Variants in CBL observed in about 807,000 individuals in gnomAD.
The protein encoded by CBL is Cbl proto-oncogene.
CBL carries 45 observed loss-of-function variants against 96.9 expected under a neutral mutation model. That is an observed-to-expected ratio of 0.46 (90% confidence interval 0.37 to 0.60). CBL has a LOEUF of 0.60. Ranked by LOEUF, CBL falls within the 20% of genes least tolerant of loss-of-function variation. The probability of loss-of-function intolerance (pLI) is 0.00; values close to 1 mark genes in which losing one functional copy is unlikely to be tolerated. For missense variants in CBL, 1,024 were observed against 1,143.5 expected (o/e 0.90, Z 1.51); for synonymous variants, 420 against 426.8 (o/e 0.98, Z 0.20).
chr11:119,230,455 T>C (rs1056605573), intron 1 of CBL, among the ~76,000 whole-genome samples: 3 of 152,190 alleles, frequency 2.0e-5, no homozygotes, highest in Non-Finnish European at 4.4e-5. Flanking sequence ...ATAGGTATTT[T>C]TAAATGTGAA....
chr11:119,291,325 C>T (rs1950025737), intron 12 of CBL, among the ~76,000 whole-genome samples: 1 of 152,168 alleles, frequency 6.6e-6, no homozygotes, highest in African/African-American at 2.4e-5. Flanking sequence ...GTTGAGGCTG[C>T]TGTGAGCTGT....
At chr11:119,248,181 A>G (rs1949646406) in intron 2 of CBL, among the ~76,000 whole-genome samples, 1 of 152,232 alleles carries the variant, frequency 6.6e-6, no homozygotes, top group South Asian at 2.1e-4. Context: ...AATCTTGAAC[A>G]AGAATAAAGT....
rs149980514 is a variant in CBL, at chr11:119,225,715, A to G, written c.196-6733A>G. Among the ~76,000 whole-genome samples the G allele has an allele frequency of 5.9e-5, 8 of 136,120 alleles. No homozygotes were observed. In the East Asian group the frequency reaches 1.8e-3, roughly 30 times the overall value. 89.3% of individuals were successfully genotyped at this position (136,120 alleles called of 152,430 possible). A position where few individuals can be genotyped will look rare whatever the true frequency, so the allele number is the denominator to read the frequency against. Reference sequence around the variant, plus strand: ...GTAAGACACCGTATCCAGCCAATATAAATATTTTCTTTTTTTTTTTTTTTT... The same window carrying G: ...GTAAGACACCGTATCCAGCCAATATGAATATTTTCTTTTTTTTTTTTTTTT... On this transcript the variant is annotated intron_variant, in intron 1 of 15. Coordinates refer to ENST00000264033, the MANE Select transcript of CBL (RefSeq NM_005188.4).
intron 2 of CBL, among the ~76,000 whole-genome samples, chr11:119,249,545 C>T (rs564646841): frequency 8.2e-5 from 8 of 97,622 alleles, no homozygotes; most frequent in South Asian, 1.1e-3. Context: ...GAGTGAGACT[C>T]GGTCTCAAAA....
chr11:119,236,144 A>G (rs1472227729), intron 2 of CBL, among the ~76,000 whole-genome samples: 2 of 152,100 alleles, frequency 1.3e-5, no homozygotes, highest in Non-Finnish European at 2.9e-5. Context: ...AAGTCAGGCA[A>G]CCATCACCCC....
chr11:119,235,331 T>TC (rs1264155859), intron 2 of CBL, among the ~76,000 whole-genome samples: 1 of 152,128 alleles, frequency 6.6e-6, no homozygotes, highest in African/African-American at 2.4e-5. Flanking sequence ...GCTTGGCTGG[T>TC]CTCAAACTCC....
chr11:119,307,825 A>C lies in CBL; in HGVS notation c.*8044A>C. ...GTTAAGAAGAAAACAAAACAAACACATAGGTGAGATTTTCGTGGACTATTT... is the reference window on the plus strand; with the variant it reads ...GTTAAGAAGAAAACAAAACAAACACCTAGGTGAGATTTTCGTGGACTATTT... On this transcript the variant is annotated 3_prime_UTR_variant, in exon 16 of 16. Coordinates refer to ENST00000264033, the MANE Select transcript of CBL (RefSeq NM_005188.4). 3 of 210,262 alleles carry C rather than the reference A, an allele frequency of 1.4e-5. No homozygotes were observed. The highest frequency in any genetic ancestry group is 1.9e-5 in the Non-Finnish European group (2 of 103,338). 13.0% of individuals were successfully genotyped at this position (210,262 alleles called of 1,614,324 possible). A position where few individuals can be genotyped will look rare whatever the true frequency, so the allele number is the denominator to read the frequency against.
chr11:119,247,939 T>A (rs999165606), intron 2 of CBL, among the ~76,000 whole-genome samples: 3 of 152,200 alleles, frequency 2.0e-5, no homozygotes, highest in African/African-American at 7.2e-5. Context: ...AAAAGACTTG[T>A]ACACTGGAAA....
intron 2 of CBL, among the ~76,000 whole-genome samples, chr11:119,259,914 C>T (rs745473235): frequency 5.9e-5 from 9 of 152,182 alleles, no homozygotes; most frequent in Non-Finnish European, 1.2e-4. Flanking sequence ...ATCTCACTTA[C>T]CTCCACACTC....
intron 2 of CBL, among the ~76,000 whole-genome samples, chr11:119,233,222 A>C (rs1949517779): frequency 6.6e-6 from 1 of 152,136 alleles, no homozygotes; most frequent in African/African-American, 2.4e-5. Context: ...TAAATATTTG[A>C]AGGATCACTA....
rs1344709775 is a variant in CBL at position 119,306,651 on chromosome 11, T to C, written c.*6870T>C. 6 of 316,418 alleles carry C rather than the reference T, an allele frequency of 1.9e-5. No individual in the cohort carries two copies. The highest frequency in any genetic ancestry group is 1.1e-4 in the African/African-American group (5 of 47,260). The allele number at this position is 316,418 out of a possible 1,614,324, so 19.6% of individuals were successfully genotyped here. A position where few individuals can be genotyped will look rare whatever the true frequency, so the allele number is the denominator to read the frequency against. On this transcript the variant is annotated 3_prime_UTR_variant, in exon 16 of 16. Transcript: ENST00000264033. ...AACTGGAGAGGCAGAGAACTACTTA[T>C]GAGTCTGTAGACCACGTGTTGTCTT...
chr11:119,285,447 C>T lies in CBL; in HGVS notation c.1822C>T (p.Pro608Ser), dbSNP rs763666786. 2.5e-6 allele frequency: 4 copies of T among 1,614,212 alleles called. No individual in the cohort carries two copies. The highest frequency in any genetic ancestry group is 1.1e-5 in the South Asian group (1 of 91,086). The change falls in exon 11 of 16, where the codon CCC becomes TCC. Residue 608 changes from proline to serine, a missense_variant. Pro to Ser is a moderately conservative substitution (Grantham distance 74). Transcript: ENST00000264033. ...AGTATCTGCCCCAAGTTCCAGTGAT[C>T]CCTGGACAGGAAGAGAATTAACCAA... ...VPVSAPSSSDPWTGRELTNRH... is the reference protein window; with the variant it reads ...VPVSAPSSSDSWTGRELTNRH...
intron 12 of CBL, among the ~76,000 whole-genome samples, chr11:119,294,907 T>C (rs1252995709): frequency 6.6e-6 from 1 of 152,172 alleles, no homozygotes; most frequent in South Asian, 2.1e-4. Flanking sequence ...ATTGCCATTC[T>C]TCCTTGTATG....
At chr11:119,272,399 C>T (rs1223501617) in intron 3 of CBL, among the ~76,000 whole-genome samples, 1 of 152,168 alleles carries the variant, frequency 6.6e-6, no homozygotes, top group African/African-American at 2.4e-5. Flanking sequence ...GGATTACAGG[C>T]GTGAGCCACC....
At position 119,305,120 on chromosome 11, in the gene CBL, T is replaced by C. The variant is rs980495237; in HGVS notation, c.*5339T>C. 4.0e-5 allele frequency: 9 copies of C among 222,554 alleles called. No homozygotes were observed. Among genetic ancestry groups the C allele is most frequent in the African/African-American group, 1.8e-4 (8 of 44,900 alleles). 13.8% of individuals were successfully genotyped at this position (222,554 alleles called of 1,614,324 possible). A position where few individuals can be genotyped will look rare whatever the true frequency, so the allele number is the denominator to read the frequency against. On this transcript the variant is annotated 3_prime_UTR_variant, in exon 16 of 16. Transcript: ENST00000264033. ...GCTTCTACTCAAGAAGTAAAGCCAC[T>C]ACTCCTGCCTTTTTGCTTAGTGGAC...
chr11:119,280,624 A>T (rs1052769517), intron 9 of CBL, among the ~76,000 whole-genome samples: 2 of 151,940 alleles, frequency 1.3e-5, no homozygotes, highest in East Asian at 3.9e-4. Context: ...AAGAATTGCT[A>T]AAAAAAACTT....
intron 1 of CBL, among the ~76,000 whole-genome samples, chr11:119,206,978 G>A (rs1036104641): frequency 6.6e-6 from 1 of 152,050 alleles, no homozygotes; most frequent in Non-Finnish European, 1.5e-5. Flanking sequence ...TCACGGAATT[G>A]GCCTGGGAGG....
chr11:119,241,386 C>A (rs938720327), intron 2 of CBL, among the ~76,000 whole-genome samples: 7 of 152,092 alleles, frequency 4.6e-5, no homozygotes, highest in Admixed American at 1.3e-4. Context: ...TAGGATTAAG[C>A]TTTTCTAATG....
At chr11:119,291,874 C>T (rs1199725930) in intron 12 of CBL, among the ~76,000 whole-genome samples, 4 of 150,460 alleles carry the variant, frequency 2.7e-5, no homozygotes, top group East Asian at 1.9e-4. Context: ...CTTTTTTTTT[C>T]GAGACAGAGT....
Sources: gnomAD v4.1 joint callset for allele counts (sites outside exome capture counted in the v4.1 genomes callset) on GRCh38, gnomAD v4.1.1 for gene constraint, MANE v1.5 for transcripts, NCBI Gene and HGNC (gene_info 2026-07-23, HGNC 2026-07-21) for gene names.